Variants in ASXL2 observed in about 807,000 individuals in gnomAD.
The protein encoded by ASXL2 is ASXL transcriptional regulator 2, also known as putative Polycomb group protein ASXL2.
A neutral mutation model predicts 122.0 loss-of-function variants in ASXL2; 23 were observed. The ratio of observed to expected loss-of-function variants is 0.19; its 90% confidence interval spans 0.14 to 0.27. The LOEUF (loss-of-function observed/expected upper bound fraction) is 0.27, where lower values mean the gene tolerates loss of function less well. Among genes scored for constraint, ASXL2 ranks in the 10% least tolerant of loss-of-function variants. The probability of loss-of-function intolerance (pLI) is 1.00; values close to 1 mark genes in which losing one functional copy is unlikely to be tolerated. For synonymous variants in ASXL2, 650 were observed against 637.0 expected (o/e 1.02, Z -0.31); for missense variants, 1,518 against 1,713.8 (o/e 0.89, Z 2.02).
chr2:25,812,408 C>T (rs954558798), intron 3 of ASXL2, among the ~76,000 whole-genome samples: 4 of 151,928 alleles, frequency 2.6e-5, no homozygotes, highest in African/African-American at 9.7e-5. Flanking sequence ...TGCAGTGAGC[C>T]GAGACCGCGC....
intron 8 of ASXL2, among the ~76,000 whole-genome samples, chr2:25,763,560 T>C (rs1467360681): frequency 6.6e-6 from 1 of 151,816 alleles, no homozygotes; most frequent in Non-Finnish European, 1.5e-5. Flanking sequence ...GTTGAACAAC[T>C]AGAGTATATT....
intron 12 of ASXL2, among the ~76,000 whole-genome samples, chr2:25,747,471 T>C (rs2087960706): frequency 6.6e-6 from 1 of 152,182 alleles, no homozygotes; most frequent in Non-Finnish European, 1.5e-5. Flanking sequence ...AAGACACTTC[T>C]GGAGAAGTCT....
At chr2:25,871,338 T>C (rs868440334) in intron 1 of ASXL2, among the ~76,000 whole-genome samples, 19 of 152,202 alleles carry the variant, frequency 1.2e-4, no homozygotes, top group African/African-American at 4.6e-4. Flanking sequence ...CTCTCAAGAG[T>C]AGATAGAATC....
At position 25,749,930 on chromosome 2, in the gene ASXL2, T is replaced by C. The variant is rs984260652; in HGVS notation, c.1626A>G (p.Ala542=). 1.9e-6 allele frequency: 3 copies of C among 1,613,896 alleles called. No individual in the cohort carries two copies. The African/African-American group carries it at 4.0e-5, about 22-fold the overall frequency. ...GVEKPIVKPT[A]GAGPQETNMK... is the part of the protein sequence containing the mutation. ...TATTAGTCTCCTGTGGACCCGCTCC[T>C]GCTGTGGGCTTCACTATTGGTTTTT... The change falls in exon 12 of 13, where the codon GCA becomes GCG. Residue 542 remains alanine, a synonymous_variant. Transcript: ENST00000435504.
Position 25,743,113 on chromosome 2 carries a change from C to T in ASXL2, c.3224G>A (p.Arg1075Gln), listed in dbSNP as rs62130126. Residue 1075 changes from arginine to glutamine, a missense_variant, in exon 13 of 13, where the codon CGG becomes CAG. Physicochemically the swap from Arg to Gln is conservative, Grantham distance 43 (BLOSUM62 1). Coordinates refer to ENST00000435504, the MANE Select transcript of ASXL2 (RefSeq NM_018263.6). ...CACAACTGAGAGAAGATTCTGCCTC[C>T]GAACCCTCTGAATGAGAGTCTGAAG... is the stretch of plus-strand genomic sequence containing the variant. ...QILQTLIQRV[R>Q]RQNLLSVVPP... The T allele has an allele frequency of 8.9e-3, 14,355 of 1,613,966 alleles. 66 individuals are homozygous for T. Among genetic ancestry groups the T allele is most frequent in the Middle Eastern group, 0.02 (122 of 6,062 alleles).
intron 3 of ASXL2, among the ~76,000 whole-genome samples, chr2:25,826,995 ATT>A (rs34208753): frequency 0.061 from 7,815 of 127,256 alleles, 215 homozygotes; most frequent in Middle Eastern, 0.093. Flanking sequence ...ACAGCTAATA[ATT>A]TTTTTTTTTT....
At chr2:25,839,284 A>C (rs1039589610) in intron 2 of ASXL2, among the ~76,000 whole-genome samples, 2 of 152,218 alleles carry the variant, frequency 1.3e-5, no homozygotes, top group Non-Finnish European at 2.9e-5. Context: ...TCTCTCAACA[A>C]AATTCTTTTT....
At chr2:25,786,243 C>CTTTTTTTTTTTTTTTTTTTTTTTTTTTTT (rs370316025) in intron 5 of ASXL2, among the ~76,000 whole-genome samples, 4 of 112,406 alleles carry the variant, frequency 3.6e-5, no homozygotes, top group South Asian at 2.9e-4. Flanking sequence ...CCACATCATT[C>CTTTTTTTTTTTTTTTTTTTTTTTTTTTTT]TTTTTTTTTT....
In ASXL2 at chr2:25,763,883, CCA is replaced by C. The variant is rs146159558; in HGVS notation, c.775+3698_775+3699del. On this transcript the variant is annotated intron_variant, in intron 8 of 12. Transcript: ENST00000435504. The stretch of plus-strand genomic sequence containing the variant: ...TTCAAGTCTGTTGTTCATCACAATG[CCA>C]CACAGGCATAAGCATCACACAGTCC... 4.2e-3 allele frequency among the ~76,000 whole-genome samples: 645 copies of C among 152,260 alleles called. 13 individuals carry two copies. Among genetic ancestry groups the C allele is most frequent in the East Asian group, 0.038 (199 of 5,188 alleles).
Position 25,743,914 on chromosome 2 carries a change from G to A in ASXL2, c.2423C>T (p.Pro808Leu), listed in dbSNP as rs770576914. ...GGCCACTGTGGCTGTTGCTCTGGTG[G>A]GGTTCAGTTTTTCATTATCCAATTT... The part of the protein sequence containing the change: ...IEKLDNEKLN[P>L]TRATATVASV... Residue 808 changes from proline (P) to leucine (L), a missense_variant, in exon 13 of 13, where the codon CCC becomes CTC. This residue lies in a region of ASXL2 where 831 missense variants were observed against 833.1 expected (regional missense o/e 1.00). Transcript: ENST00000435504. The A allele has an allele frequency of 2.4e-5, 38 of 1,613,854 alleles. No individual in the cohort carries two copies. The highest frequency in any genetic ancestry group is 2.9e-5 in the Non-Finnish European group (34 of 1,179,894).
At chr2:25,877,759 G>A (rs2090021612) in intron 1 of ASXL2, among the ~76,000 whole-genome samples, 1 of 152,198 alleles carries the variant, frequency 6.6e-6, no homozygotes, top group Non-Finnish European at 1.5e-5. Context: ...CCTTTCCGGG[G>A]CTGGATGCAC....
At chr2:25,842,112 C>CA (rs1358415847) in intron 2 of ASXL2, among the ~76,000 whole-genome samples, 390 of 102,564 alleles carry the variant, frequency 3.8e-3, no homozygotes, top group South Asian at 6.8e-3. Flanking sequence ...AACTCTGTCT[C>CA]AAAAAAAAAA....
intron 1 of ASXL2, among the ~76,000 whole-genome samples, chr2:25,864,548 G>GAACTATA (rs895030490): frequency 6.6e-6 from 1 of 152,024 alleles, no homozygotes; most frequent in Non-Finnish European, 1.5e-5. Context: ...AAAGGAAAAT[G>GAACTATA]AACTATAAAA....
chr2:25,790,915 C>T (rs773578312), intron 5 of ASXL2, among the ~76,000 whole-genome samples: 26 of 151,392 alleles, frequency 1.7e-4, no homozygotes, highest in Non-Finnish European at 3.5e-4. Flanking sequence ...GTGATCCTCC[C>T]ACCTTGGCCT....
At chr2:25,856,312 C>T (rs2089776055) in intron 1 of ASXL2, 1 of 432,908 alleles carries the variant, frequency 2.3e-6, no homozygotes, top group African/African-American at 2.1e-5. Flanking sequence ...CCACCTCAGC[C>T]TCCCAAAGTG....
chr2:25,778,043 GT>G (rs1374617368), intron 5 of ASXL2, among the ~76,000 whole-genome samples: 1 of 152,200 alleles, frequency 6.6e-6, no homozygotes, highest in Non-Finnish European at 1.5e-5. Context: ...TATATAGCCA[GT>G]AAGGAGCACA....
intron 1 of ASXL2, among the ~76,000 whole-genome samples, chr2:25,875,462 G>C (rs1484580530): frequency 6.6e-6 from 1 of 151,946 alleles, no homozygotes; most frequent in Non-Finnish European, 1.5e-5. Flanking sequence ...GGAGAGCATA[G>C]CAAAACGATT....
rs1431702737 is a variant in ASXL2 at position 25,733,924 on chromosome 2, T to C, written c.*8105A>G. On this transcript the variant is annotated 3_prime_UTR_variant, in exon 13 of 13. Coordinates refer to ENST00000435504, the MANE Select transcript of ASXL2 (RefSeq NM_018263.6). ...TAGTGAGGAGCTAAAAGGCAGAGTT[T>C]ATTTGTCAAAGTGCTAAGGCCTATG... The C allele has an allele frequency of 6.6e-6, 1 of 152,218 alleles. No homozygotes were observed. Among genetic ancestry groups the C allele is most frequent in the Non-Finnish European group, 1.5e-5 (1 of 68,046 alleles). The allele number at this position is 152,218 out of a possible 1,614,324, so 9.4% of individuals were successfully genotyped here.
intron 3 of ASXL2, among the ~76,000 whole-genome samples, chr2:25,832,213 T>C (rs1023275124): frequency 4.7e-4 from 71 of 152,318 alleles, no homozygotes; most frequent in Non-Finnish European, 1.3e-4. Flanking sequence ...GGAACACAAA[T>C]GTTAATACCA....
Sources: allele counts gnomAD v4.1 joint callset (sites outside exome capture counted in the v4.1 genomes callset), GRCh38; gene constraint gnomAD v4.1.1; regional missense constraint gnomAD v4.1.1; transcripts MANE v1.5; gene names NCBI Gene and HGNC (gene_info 2026-07-23, HGNC 2026-07-21).